UTRN: variants seen among roughly 807,000 people sequenced by gnomAD.
The protein encoded by UTRN is utrophin, also known as dystrophin-related protein 1.
Under a neutral mutation model 463.9 loss-of-function variants are expected in UTRN, and 283 were observed. The observed-to-expected ratio is 0.61, with a 90% CI of 0.55 to 0.67. The LOEUF (loss-of-function observed/expected upper bound fraction) is 0.67. UTRN is among the 30% of genes least tolerant of loss of function. UTRN has a pLI of 0.00. For missense variants in UTRN, 3,922 were observed against 4,084.3 expected (o/e 0.96, Z 1.08); for synonymous variants, 1,442 against 1,431.5 (o/e 1.01, Z -0.17).
intron 2 of UTRN, chr6:144,344,264 G>A: frequency 7.7e-7 from 1 of 1,304,192 alleles, no homozygotes; most frequent in Non-Finnish European, 1.0e-6. Flanking sequence ...GATTGGATTT[G>A]CCAGGGCATG....
chr6:144,543,432 C>G (rs1194829616), intron 46 of UTRN, among the ~76,000 whole-genome samples: 1 of 152,224 alleles, frequency 6.6e-6, no homozygotes, highest in East Asian at 1.9e-4. Context: ...ATCGCAGGCT[C>G]CTGCCCCATA....
At chr6:144,690,328 G>A (rs1783265226) in intron 52 of UTRN, among the ~76,000 whole-genome samples, 1 of 151,660 alleles carries the variant, frequency 6.6e-6, no homozygotes, top group African/African-American at 2.4e-5. Context: ...GGGGGGTGTA[G>A]CCAGCAGCAG....
intron 44 of UTRN, among the ~76,000 whole-genome samples, chr6:144,538,511 C>CAA (rs35407714): frequency 2.3e-4 from 34 of 149,952 alleles, no homozygotes; most frequent in South Asian, 1.3e-3. Flanking sequence ...TATAAAAATA[C>CAA]AAAAAAAAAT....
chr6:144,308,805 A>C (rs927611898), intron 2 of UTRN, among the ~76,000 whole-genome samples: 1 of 152,052 alleles, frequency 6.6e-6, no homozygotes, highest in Non-Finnish European at 1.5e-5. Flanking sequence ...CAAACATGCT[A>C]TTGTTTTTCT....
chr6:144,724,062 A>C (rs1787545127), intron 53 of UTRN, among the ~76,000 whole-genome samples: 1 of 150,896 alleles, frequency 6.6e-6, no homozygotes, highest in African/African-American at 2.4e-5. Context: ...TACCTAGAGA[A>C]TTGTTTTGTG....
At chr6:144,303,099 C>A (rs935287840) in intron 2 of UTRN, among the ~76,000 whole-genome samples, 1 of 152,032 alleles carries the variant, frequency 6.6e-6, no homozygotes, top group African/African-American at 2.4e-5. Context: ...TGGAAGGTAG[C>A]AGAGTTAGGG....
At chr6:144,363,297 T>C (rs1489267178) in intron 2 of UTRN, among the ~76,000 whole-genome samples, 1 of 152,180 alleles carries the variant, frequency 6.6e-6, no homozygotes, top group Admixed American at 6.5e-5. Flanking sequence ...CACTGAAATA[T>C]TTCTATACAT....
In UTRN at chr6:144,550,813, A is replaced by G; in HGVS notation, c.6811-152A>G. On this transcript the variant is annotated intron_variant, in intron 47 of 74. Coordinates refer to ENST00000367545, the MANE Select transcript of UTRN (RefSeq NM_007124.3). ...TTGAATGCAGGATCCTTGACTTTAA[A>G]TCATGCACTCATTTTCTGCCACGTT... 5.9e-6 allele frequency: 3 copies of G among 511,684 alleles called. No homozygotes were observed. The South Asian group carries it at 1.4e-4, about 24-fold the overall frequency. The allele number at this position is 511,684 out of a possible 1,614,324, so 31.7% of individuals were successfully genotyped here. A position where few individuals can be genotyped will look rare whatever the true frequency, so the allele number is the denominator to read the frequency against.
chr6:144,779,835 A>G (rs188435403), intron 60 of UTRN, among the ~76,000 whole-genome samples: 1 of 152,126 alleles, frequency 6.6e-6, no homozygotes, highest in African/African-American at 2.4e-5. Context: ...ACTCATATGA[A>G]GCTTATTTGA....
At chr6:144,449,655 A>C (rs1247247838) in intron 17 of UTRN, among the ~76,000 whole-genome samples, 1 of 152,202 alleles carries the variant, frequency 6.6e-6, no homozygotes, top group African/African-American at 2.4e-5. Flanking sequence ...AAAATCCCTC[A>C]CATTTTACAG....
At chr6:144,736,879 C>A (rs1224653928) in intron 54 of UTRN, among the ~76,000 whole-genome samples, 1 of 152,176 alleles carries the variant, frequency 6.6e-6, no homozygotes, top group Non-Finnish European at 1.5e-5. Context: ...CATTGCCCAT[C>A]CCAGTTTTCT....
At chr6:144,590,236 A>G (rs1802891292) in intron 51 of UTRN, among the ~76,000 whole-genome samples, 1 of 152,212 alleles carries the variant, frequency 6.6e-6, no homozygotes, top group Admixed American at 6.5e-5. Context: ...AGTATTGGCT[A>G]TATAATGTTA....
intron 2 of UTRN, among the ~76,000 whole-genome samples, chr6:144,295,903 T>G (rs927847647): frequency 2.0e-5 from 3 of 152,188 alleles, no homozygotes; most frequent in Admixed American, 2.0e-4. Context: ...CTCAGGGCCT[T>G]TGCACATCTC....
intron 30 of UTRN, 46 bp from the exon 31 acceptor site, chr6:144,490,025 A>G: frequency 1.3e-6 from 2 of 1,577,486 alleles, no homozygotes; most frequent in Non-Finnish European, 1.7e-6. Context: ...TTTATACTTA[A>G]GTAAAAAAAA....
At chr6:144,732,367 A>G (rs1016099875) in intron 54 of UTRN, among the ~76,000 whole-genome samples, 2 of 150,918 alleles carry the variant, frequency 1.3e-5, no homozygotes, top group African/African-American at 2.4e-5. Flanking sequence ...ACTGCCATTA[A>G]TTCCACATTC....
At chr6:144,609,529 T>C (rs1388901181) in intron 51 of UTRN, among the ~76,000 whole-genome samples, 2 of 152,168 alleles carry the variant, frequency 1.3e-5, no homozygotes, top group Non-Finnish European at 2.9e-5. Context: ...GTGGACAGAT[T>C]ATCCATACAG....
At position 144,551,087 on chromosome 6, in the gene UTRN, G is replaced by GT. The variant is rs1037134675; in HGVS notation, c.6928+11dup. On this transcript the variant is annotated splice_donor_region_variant and intron_variant, in intron 48 of 74. Coordinates refer to ENST00000367545, the MANE Select transcript of UTRN (RefSeq NM_007124.3). ...GAACAGCAATTACAGAAAAATGTAA[G>GT]TTTTTTAAAAAAAGTTATGTATTAT... is the stretch of plus-strand genomic sequence containing the variant. 6 of 1,579,054 alleles carry GT rather than the reference G, an allele frequency of 3.8e-6. No homozygotes were observed. The highest frequency in any genetic ancestry group is 1.9e-5 in the Admixed American group (1 of 53,266).
chr6:144,414,532 AT>A (rs1238564291), intron 3 of UTRN, among the ~76,000 whole-genome samples: 4 of 152,178 alleles, frequency 2.6e-5, no homozygotes, highest in Non-Finnish European at 5.9e-5. Flanking sequence ...AAGGTTTATT[AT>A]TGAAGAAAGA....
chr6:144,516,705 A>C, intron 38 of UTRN, 106 bp from the exon 39 acceptor site: 1 of 886,022 alleles, frequency 1.1e-6, no homozygotes, highest in Non-Finnish European at 1.6e-6. Flanking sequence ...ACATATCTTG[A>C]CGTATACTAT....
Sources: allele counts gnomAD v4.1 joint callset (sites outside exome capture counted in the v4.1 genomes callset), GRCh38; gene constraint gnomAD v4.1.1; transcripts MANE v1.5; gene names NCBI Gene and HGNC (gene_info 2026-07-23, HGNC 2026-07-21).